The following MED27 variants were observed in gnomAD, a reference collection of about 807,000 sequenced individuals.
MED27 encodes mediator complex subunit 27, also known as mediator of RNA polymerase II transcription subunit 27.
Under a neutral mutation model 38.2 loss-of-function variants are expected in MED27, and 30 were observed. The observed-to-expected ratio is 0.79, with a 90% CI of 0.59 to 1.07. MED27 has a LOEUF of 1.07. MED27 is among the 50% of genes least tolerant of loss of function. The probability of loss-of-function intolerance (pLI) is 0.00; values close to 1 mark genes in which losing one functional copy is unlikely to be tolerated. For missense variants in MED27, 289 were observed against 397.5 expected (o/e 0.73, Z 2.32); for synonymous variants, 122 against 153.5 (o/e 0.79, Z 1.52).
chr9:132,015,129 A>T (rs1011475174), intron 2 of MED27, among the ~76,000 whole-genome samples: 1 of 152,252 alleles, frequency 6.6e-6, no homozygotes, highest in Non-Finnish European at 1.5e-5. Flanking sequence ...CTGCATTCAG[A>T]ACCACTGAGC....
chr9:131,884,048 T>C lies in MED27; in HGVS notation c.723+10A>G. ...TGCCGCTTGAGTAAGAAGCAAAAAG[T>C]AAAACTTACCTTCTGGAATACTTGA... On this transcript the variant is annotated intron_variant, in intron 6 of 7. Coordinates refer to ENST00000292035, the MANE Select transcript of MED27 (RefSeq NM_004269.4). 6.2e-7 allele frequency: 1 copy of C among 1,611,502 alleles called. No homozygotes were observed. The highest frequency in any genetic ancestry group is 1.3e-5 in the African/African-American group (1 of 74,986).
rs189177265 is a variant in MED27, at chr9:132,051,818, C to A, written c.348+25624G>T. Among the ~76,000 whole-genome samples the A allele has an allele frequency of 2.0e-5, 3 of 152,132 alleles. No homozygotes were observed. The highest frequency in any genetic ancestry group is 7.2e-5 in the African/African-American group (3 of 41,420). On this transcript the variant is annotated intron_variant, in intron 2 of 7. Transcript: ENST00000292035. This position sits in a 1 kb window ranked among gnomAD's most constrained non-coding sequence, Gnocchi z 4.2. ...TCTATTGGCGAGCACTGCTCTGATCCCAGAAAATATGTCACATATCACATT... is the reference window on the plus strand; with the variant it reads ...TCTATTGGCGAGCACTGCTCTGATCACAGAAAATATGTCACATATCACATT...
At chr9:131,976,457 T>C (rs1831610006) in intron 3 of MED27, among the ~76,000 whole-genome samples, 1 of 152,212 alleles carries the variant, frequency 6.6e-6, no homozygotes, top group Non-Finnish European at 1.5e-5. Flanking sequence ...GGGTGTATTA[T>C]TAGTAGGTTA....
chr9:131,999,980 A>G (rs529961786), intron 3 of MED27, among the ~76,000 whole-genome samples: 1 of 152,234 alleles, frequency 6.6e-6, no homozygotes, highest in Non-Finnish European at 1.5e-5. Flanking sequence ...CTCACCAATC[A>G]ATCAGTACAA....
chr9:131,904,598 G>T (rs982691710), intron 4 of MED27, among the ~76,000 whole-genome samples: 22 of 151,496 alleles, frequency 1.5e-4, no homozygotes, highest in Non-Finnish European at 2.7e-4. Context: ...GCCTCGAGCA[G>T]TCCTCCTGCC....
intron 3 of MED27, among the ~76,000 whole-genome samples, chr9:131,957,085 G>A (rs369576421): frequency 6.6e-6 from 1 of 152,190 alleles, no homozygotes; most frequent in African/African-American, 2.4e-5. Flanking sequence ...CTGCCGGTAG[G>A]AGTACAAAGT....
intron 4 of MED27, among the ~76,000 whole-genome samples, chr9:131,929,845 G>C (rs1490454318): frequency 6.6e-6 from 1 of 152,236 alleles, no homozygotes; most frequent in African/African-American, 2.4e-5. Context: ...ACACAAACCT[G>C]GCTGGCTTCC....
At chr9:131,909,409 G>A (rs778836770) in intron 4 of MED27, among the ~76,000 whole-genome samples, 1 of 152,206 alleles carries the variant, frequency 6.6e-6, no homozygotes. Context: ...ACTCCTGTGA[G>A]CAGCATTAGT....
At chr9:132,031,923 C>A (rs1026030849) in intron 2 of MED27, 4 of 152,164 alleles carry the variant, frequency 2.6e-5, no homozygotes, top group Non-Finnish European at 5.9e-5. Context: ...TCAAGTTTTA[C>A]TGCCACAGTT....
chr9:131,980,525 C>T (rs1346399448), intron 3 of MED27, among the ~76,000 whole-genome samples: 1 of 152,012 alleles, frequency 6.6e-6, no homozygotes, highest in African/African-American at 2.4e-5. Context: ...CAAATGGGAC[C>T]TTAGGGCAAA....
intron 6 of MED27, among the ~76,000 whole-genome samples, chr9:131,878,499 T>G (rs1838977421): frequency 6.6e-6 from 1 of 152,062 alleles, no homozygotes; most frequent in South Asian, 2.1e-4. Context: ...CGGGCTACTT[T>G]CATGCTGTCC....
intron 1 of MED27, among the ~76,000 whole-genome samples, chr9:132,078,360 T>C (rs1834100767): frequency 1.3e-5 from 2 of 152,152 alleles, no homozygotes; most frequent in Non-Finnish European, 1.5e-5. Flanking sequence ...TCAGCACTCT[T>C]AAAGTTTCTA....
intron 3 of MED27, among the ~76,000 whole-genome samples, chr9:131,942,964 C>T (rs1564292449): frequency 6.6e-6 from 1 of 152,164 alleles, no homozygotes; most frequent in Admixed American, 6.5e-5. Context: ...GGAAAAATAT[C>T]TGCAGTTGGC....
At chr9:131,932,308 GA>G (rs55660541) in intron 4 of MED27, among the ~76,000 whole-genome samples, 148,360 of 150,452 alleles carry the variant, frequency 0.99, 73,159 homozygotes, top group East Asian at 1. Flanking sequence ...GAAGGAAACT[GA>G]AAAAATTTCT....
intron 6 of MED27, among the ~76,000 whole-genome samples, chr9:131,880,141 A>G (rs117221769): frequency 0.017 from 2,659 of 152,146 alleles, 34 homozygotes; most frequent in South Asian, 0.037. Flanking sequence ...TACACCGCGC[A>G]TGCTTCGTGC....
intron 3 of MED27, among the ~76,000 whole-genome samples, chr9:131,945,680 GGCC>G (rs1830872994): frequency 6.6e-6 from 1 of 151,790 alleles, no homozygotes; most frequent in African/African-American, 2.4e-5. Flanking sequence ...GTGAGATCGT[GGCC>G]AGGTGCGGTG....
intron 6 of MED27, chr9:131,869,465 C>A (rs140224888): frequency 1.1e-6 from 1 of 944,402 alleles, no homozygotes; most frequent in Admixed American, 6.2e-5. Context: ...TCCCATTGTG[C>A]GGCAAAGCTA....
intron 6 of MED27, 82 bp from the exon 7 acceptor site, chr9:131,863,222 G>T (rs776408762): frequency 1.2e-4 from 135 of 1,102,036 alleles, no homozygotes; most frequent in Middle Eastern, 4.0e-4. Flanking sequence ...CACGCCTTCT[G>T]TGTGAAAACA....
chr9:131,897,375 G>T (rs893305641), intron 4 of MED27, among the ~76,000 whole-genome samples: 1 of 152,248 alleles, frequency 6.6e-6, no homozygotes, highest in African/African-American at 2.4e-5. Context: ...ATGCCAACCA[G>T]AAAGGTATGA....
Sources: gnomAD v4.1 joint callset for allele counts (sites outside exome capture counted in the v4.1 genomes callset) on GRCh38, gnomAD v4.1.1 for gene constraint, Gnocchi (gnomAD v3.1) non-coding constraint, MANE v1.5 for transcripts, NCBI Gene and HGNC (gene_info 2026-07-23, HGNC 2026-07-21) for gene names.